The following XRN1 variants were observed in gnomAD, a reference collection of about 807,000 sequenced individuals.
XRN1 encodes the protein 5'-3' exoribonuclease 1, also known as strand-exchange protein 1 homolog.
In XRN1, 67 loss-of-function variants were observed where a neutral mutation model predicts 222.3. The observed-to-expected ratio is 0.30, with a 90% CI of 0.25 to 0.37. XRN1 has a LOEUF of 0.37. XRN1 is among the 10% of genes least tolerant of loss of function. XRN1 has a pLI of 1.00. For missense variants in XRN1, 1,707 were observed against 2,000.2 expected (o/e 0.85, Z 2.80); for synonymous variants, 643 against 652.4 (o/e 0.99, Z 0.22).
At chr3:142,392,510 T>C (rs1264936277) in intron 20 of XRN1, among the ~76,000 whole-genome samples, 2 of 152,140 alleles carry the variant, frequency 1.3e-5, no homozygotes, top group Non-Finnish European at 2.9e-5. Context: ...GAGTGTGATA[T>C]TCCCCTTCCT....
chr3:142,376,256 T>G (rs1285061050), intron 24 of XRN1: 3 of 642,746 alleles, frequency 4.7e-6, no homozygotes, highest in Non-Finnish European at 7.8e-6. Context: ...GATACCTTTT[T>G]TCAAGGTTCA....
intron 37 of XRN1, 51 bp from the exon 38 acceptor site, chr3:142,318,954 A>G: frequency 6.8e-7 from 1 of 1,463,740 alleles, no homozygotes. Flanking sequence ...TAGGAAGTTG[A>G]CCTCTCCCAA....
intron 39 of XRN1, among the ~76,000 whole-genome samples, chr3:142,315,585 T>C (rs1267360995): frequency 2.0e-5 from 3 of 151,744 alleles, no homozygotes; most frequent in Admixed American, 2.0e-4. Context: ...TTCAGCTCAC[T>C]GCAACCTCTG....
intron 34 of XRN1, among the ~76,000 whole-genome samples, chr3:142,333,922 CT>C (rs2065774787): frequency 6.6e-6 from 1 of 152,104 alleles, no homozygotes; most frequent in African/African-American, 2.4e-5. Flanking sequence ...CTGCTAGTGC[CT>C]TGATCTTGGA....
chr3:142,345,431 A>G (rs2066116651), intron 33 of XRN1, among the ~76,000 whole-genome samples: 1 of 152,186 alleles, frequency 6.6e-6, no homozygotes. Context: ...TAAAAGCTAA[A>G]ACTATACAAT....
intron 10 of XRN1, 74 bp from the exon 11 acceptor site, chr3:142,418,955 A>T (rs1474316686): frequency 7.1e-7 from 1 of 1,409,594 alleles, no homozygotes; most frequent in Non-Finnish European, 1.0e-6. Flanking sequence ...TCTTCCATGC[A>T]CCCATTTGCT....
intron 39 of XRN1, 32 bp from the exon 40 acceptor site, chr3:142,312,790 G>T (rs753103934): frequency 6.4e-7 from 1 of 1,570,546 alleles, no homozygotes; most frequent in South Asian, 1.2e-5. Context: ...TTTTCTTTTA[G>T]TAAAATGGTA....
intron 33 of XRN1, among the ~76,000 whole-genome samples, chr3:142,341,488 A>G (rs2065992879): frequency 6.6e-6 from 1 of 152,060 alleles, no homozygotes; most frequent in Non-Finnish European, 1.5e-5. Context: ...GAAGAATAAT[A>G]ATAAAAGGAA....
At chr3:142,440,383 G>A (rs565469249) in intron 1 of XRN1, among the ~76,000 whole-genome samples, 6 of 152,086 alleles carry the variant, frequency 3.9e-5, no homozygotes, top group Admixed American at 3.3e-4. Context: ...ATAGGAGAAG[G>A]AACACCCGTT....
At chr3:142,383,997 G>A (rs971777473) in intron 21 of XRN1, among the ~76,000 whole-genome samples, 3 of 151,748 alleles carry the variant, frequency 2.0e-5, no homozygotes, top group African/African-American at 4.8e-5. Flanking sequence ...AAGGCTGGGC[G>A]CAGTGGCTCA....
intron 33 of XRN1, among the ~76,000 whole-genome samples, chr3:142,342,331 A>G (rs755278823): frequency 1.2e-4 from 18 of 152,198 alleles, no homozygotes; most frequent in Admixed American, 5.2e-4. Context: ...AGGTTCACAG[A>G]CTGGAAGAAT....
At chr3:142,416,235 G>T (rs1440608195) in intron 13 of XRN1, among the ~76,000 whole-genome samples, 1 of 152,134 alleles carries the variant, frequency 6.6e-6, no homozygotes, top group African/African-American at 2.4e-5. Context: ...GGAGTGCAGT[G>T]GTGCGATCTC....
chr3:142,441,625 T>C (rs1370868602), intron 1 of XRN1, among the ~76,000 whole-genome samples: 1 of 152,216 alleles, frequency 6.6e-6, no homozygotes, highest in Non-Finnish European at 1.5e-5. Context: ...GAGATCTTAC[T>C]GTGTGGACAC....
chr3:142,447,299 T>TAA lies in XRN1; in HGVS notation c.75+570_75+571insTT, dbSNP rs2070549610. 6.6e-6 allele frequency among the ~76,000 whole-genome samples: 1 copy of TAA among 151,984 alleles called. No homozygotes were observed. Among genetic ancestry groups the TAA allele is most frequent in the African/African-American group, 2.4e-5 (1 of 41,338 alleles). On this transcript the variant is annotated intron_variant, in intron 1 of 40. Coordinates refer to ENST00000392981, the MANE Select transcript of XRN1 (RefSeq NM_001282857.2). The surrounding 1 kb of genome is among the most constrained non-coding windows in gnomAD (Gnocchi z 4.2). ...AGTTTTTTGTTTTGGCAACAGGGGA[T>TAA]TGGTGCTGCTTTTGAAATAACAGAA...
At chr3:142,378,617 G>C (rs948405941) in intron 23 of XRN1, among the ~76,000 whole-genome samples, 1 of 152,108 alleles carries the variant, frequency 6.6e-6, no homozygotes, top group African/African-American at 2.4e-5. Context: ...TGGATGAGGA[G>C]AGATAAAACT....
At chr3:142,315,236 T>C (rs1427770183) in intron 39 of XRN1, among the ~76,000 whole-genome samples, 1 of 151,898 alleles carries the variant, frequency 6.6e-6, no homozygotes, top group African/African-American at 2.4e-5. Flanking sequence ...CACTCAGCTA[T>C]CTGTTTTCAA....
chr3:142,323,939 T>C (rs908540380), intron 37 of XRN1, among the ~76,000 whole-genome samples: 1 of 152,112 alleles, frequency 6.6e-6, no homozygotes, highest in Non-Finnish European at 1.5e-5. Context: ...TGTGATATTT[T>C]GATACAAGGA....
intron 37 of XRN1, among the ~76,000 whole-genome samples, chr3:142,322,986 G>A (rs754387547): frequency 1.1e-4 from 16 of 152,146 alleles, no homozygotes; most frequent in Non-Finnish European, 2.4e-4. Context: ...CTGGGTGACA[G>A]AGCGAGACTC....
chr3:142,311,256 TTTAA>T lies in XRN1; in HGVS notation c.*251_*254del, dbSNP rs1474172061. 14 of 280,374 alleles carry T rather than the reference TTTAA, an allele frequency of 5.0e-5. No homozygotes were observed. The highest frequency in any genetic ancestry group is 4.5e-4 in the East Asian group (7 of 15,450). 17.4% of individuals were successfully genotyped at this position (280,374 alleles called of 1,614,324 possible). ...ACTGTGATATTATTTTAATGCAAGG[TTTAA>T]TTTAGTTTTTTATTACAGATTTATT... On this transcript the variant is annotated 3_prime_UTR_variant, in exon 41 of 41. Coordinates refer to ENST00000392981, the MANE Select transcript of XRN1 (RefSeq NM_001282857.2).
Sources: gnomAD v4.1 joint callset for allele counts (sites outside exome capture counted in the v4.1 genomes callset) on GRCh38, gnomAD v4.1.1 for gene constraint, Gnocchi (gnomAD v3.1) non-coding constraint, MANE v1.5 for transcripts, NCBI Gene and HGNC (gene_info 2026-07-23, HGNC 2026-07-21) for gene names.